ZNF37A: variants seen among roughly 807,000 people sequenced by gnomAD.
ZNF37A encodes the protein zinc finger protein 37a (KOX 21).
Under a neutral mutation model 12.3 loss-of-function variants are expected in ZNF37A, and 10 were observed. The ratio of observed to expected loss-of-function variants is 0.82; its 90% CI spans 0.50 to 1.38. The LOEUF (loss-of-function observed/expected upper bound fraction) is 1.38. Ranked by LOEUF, ZNF37A falls within the 40% of genes most tolerant of loss-of-function variation. The probability of loss-of-function intolerance (pLI) is 0.00; values close to 1 mark genes in which losing one functional copy is unlikely to be tolerated. For synonymous variants in ZNF37A, 207 were observed against 223.0 expected, an observed-to-expected ratio of 0.93 and a Z score of 0.64; for missense variants, 580 against 651.2, an observed-to-expected ratio of 0.89 and a Z score of 1.19.
At chr10:38,146,873 G>A (rs545622174) in exon 8 of ZNF37A, 3 of 397,104 alleles carry the variant, frequency 7.6e-6, no homozygotes, top group Non-Finnish European at 1.3e-5. Context: ...GTGGGAATCG[G>A]GGATAACAGC....
At chr10:38,101,507 T>C (rs1414655869) in intron 5 of ZNF37A, among the ~76,000 whole-genome samples, 1 of 152,148 alleles carries the variant, frequency 6.6e-6, no homozygotes, top group Non-Finnish European at 1.5e-5. Context: ...TTTTGGCTAG[T>C]TGAGATACCT....
chr10:38,118,706 G>A lies in ZNF37A; in HGVS notation c.1555G>A (p.Gly519Arg). 2.5e-6 allele frequency: 4 copies of A among 1,613,738 alleles called. No homozygotes were observed. The highest frequency in any genetic ancestry group is 3.4e-6 in the Non-Finnish European group (4 of 1,179,772). The change falls in exon 8 of 8, where the codon GGG becomes AGG. Residue 519 changes from glycine to arginine, a missense_variant. Gly to Arg is a moderately radical substitution (Grantham distance 125). Transcript: ENST00000685332. ...CATTGCACATCATAGAACACACACA[G>A]GGGAGAAACCCTATGAATGTAATGT... is the stretch of plus-strand genomic sequence containing the variant. ...KLIAHHRTHT[G>R]EKPYECNVCG...
At chr10:38,149,911 C>G (rs968654265) in exon 8 of ZNF37A, 2 of 152,184 alleles carry the variant, frequency 1.3e-5, no homozygotes, top group African/African-American at 4.8e-5. Context: ...ATTTGCTCTT[C>G]TGCACAAAAT....
intron 7 of ZNF37A, among the ~76,000 whole-genome samples, chr10:38,134,696 C>T (rs371636172): frequency 3.9e-5 from 6 of 152,304 alleles, no homozygotes; most frequent in East Asian, 3.9e-4. Context: ...AGGTGTCAGT[C>T]GGCCCCTACT....
At chr10:38,125,495 T>C (rs2069911805), downstream of ZNF37A, 1 of 152,146 alleles carries the variant, frequency 6.6e-6, no homozygotes, top group Non-Finnish European at 1.5e-5. Flanking sequence ...ATGCCCCTAC[T>C]GCATGGAGGG....
intron 6 of ZNF37A, 137 bp from the exon 7 acceptor site, chr10:38,115,058 T>C: frequency 8.8e-7 from 1 of 1,134,824 alleles, no homozygotes; most frequent in South Asian, 1.6e-5. Flanking sequence ...CATGACAGGA[T>C]TAAATGAAGT....
chr10:38,133,016 C>A (rs1315879501), intron 7 of ZNF37A, among the ~76,000 whole-genome samples: 1 of 151,932 alleles, frequency 6.6e-6, no homozygotes, highest in Non-Finnish European at 1.5e-5. Context: ...GTGATATAGT[C>A]TCCTTTATCT....
chr10:38,104,757 C>T (rs2067897652), intron 5 of ZNF37A, among the ~76,000 whole-genome samples: 1 of 151,122 alleles, frequency 6.6e-6, no homozygotes, highest in Admixed American at 6.7e-5. Flanking sequence ...TTAGGAAATA[C>T]ATGTGTGTAT....
At position 38,118,693 on chromosome 10, in the gene ZNF37A, T is replaced by C. The variant is rs1456411568; in HGVS notation, c.1542T>C (p.His514=). 2 of 1,544,740 alleles carry C rather than the reference T, an allele frequency of 1.3e-6. No individual in the cohort carries two copies. Among genetic ancestry groups the C allele is most frequent in the African/African-American group, 1.4e-5 (1 of 68,986 alleles). ...FCVKSKLIAH[H]RTHTGEKPYE... ...TGAAGTCAAAACTCATTGCACATCATAGAACACACACAGGGGAGAAACCCT... is the reference window on the plus strand; with the variant it reads ...TGAAGTCAAAACTCATTGCACATCACAGAACACACACAGGGGAGAAACCCT... The change falls in exon 8 of 8, where the codon CAT becomes CAC. Residue 514 remains histidine (H), a synonymous_variant. Coordinates refer to ENST00000685332, the MANE Select transcript of ZNF37A (RefSeq NM_001324250.3).
intron 5 of ZNF37A, 112 bp downstream of exon 5, chr10:38,096,744 G>A (rs1044209751): frequency 2.9e-6 from 3 of 1,045,296 alleles, no homozygotes; most frequent in African/African-American, 3.2e-5. Flanking sequence ...ATAGAGGAGA[G>A]GTCACATTAC....
chr10:38,105,785 T>C (rs2068018595), intron 5 of ZNF37A, among the ~76,000 whole-genome samples: 1 of 152,260 alleles, frequency 6.6e-6, no homozygotes, highest in Admixed American at 6.5e-5. Context: ...TTTCTGAATT[T>C]CCTTTTGGAT....
chr10:38,112,778 T>TCTTGTCTTGTCTTGTCTTG (rs1554929923), intron 5 of ZNF37A, among the ~76,000 whole-genome samples: 2 of 63,790 alleles, frequency 3.1e-5, no homozygotes, highest in African/African-American at 1.2e-4. Flanking sequence ...TTCTTTTCTT[T>TCTTGTCTTGTCTTGTCTTG]TCTTTTCTTT....
exon 8 of ZNF37A, chr10:38,149,977 C>G (rs1392601268): frequency 6.6e-6 from 1 of 152,182 alleles, no homozygotes; most frequent in African/African-American, 2.4e-5. Flanking sequence ...GCGTTATGTC[C>G]AGTGCCTAGA....
At position 38,124,007 on chromosome 10, in the gene ZNF37A, A is replaced by G. The variant is rs2069860396; in HGVS notation, c.*5170A>G. The G allele has an allele frequency of 6.6e-6, 1 of 152,230 alleles. No individual in the cohort carries two copies. The highest frequency in any genetic ancestry group is 1.5e-5 in the Non-Finnish European group (1 of 68,046). The allele number at this position is 152,230 out of a possible 1,614,324, so 9.4% of individuals were successfully genotyped here. ...TTATATACCCCAAAGACAGGAAATC[A>G]GTATATTGAAGATATATCTGCACCG... On this transcript the variant is annotated 3_prime_UTR_variant, in exon 8 of 8. Coordinates refer to ENST00000685332, the MANE Select transcript of ZNF37A (RefSeq NM_001324250.3).
At chr10:38,108,446 A>G (rs971786851) in intron 5 of ZNF37A, among the ~76,000 whole-genome samples, 2 of 152,330 alleles carry the variant, frequency 1.3e-5, no homozygotes, top group East Asian at 1.9e-4. Flanking sequence ...CTAGAGAAGC[A>G]AGAGCAAATA....
chr10:38,126,805 C>T (rs892891521), downstream of ZNF37A, among the ~76,000 whole-genome samples: 1 of 152,034 alleles, frequency 6.6e-6, no homozygotes, highest in Admixed American at 6.6e-5. Context: ...CCAACTATAG[C>T]CATAACTGCA....
At position 38,123,072 on chromosome 10, in the gene ZNF37A, C is replaced by G. The variant is rs910723324; in HGVS notation, c.*4235C>G. 1.3e-5 allele frequency: 2 copies of G among 152,136 alleles called. No individual in the cohort carries two copies. Among genetic ancestry groups the G allele is most frequent in the Non-Finnish European group, 2.9e-5 (2 of 68,058 alleles). 9.4% of individuals were successfully genotyped at this position (152,136 alleles called of 1,614,324 possible). A position where few individuals can be genotyped will look rare whatever the true frequency, so the allele number is the denominator to read the frequency against. On this transcript the variant is annotated 3_prime_UTR_variant, in exon 8 of 8. Transcript: ENST00000685332. ...CTTGTAGGGAGGCATCAGGAAGTTTCCAACCATGGTGGAAGGCAAAAGGGG... is the reference window on the plus strand; with the variant it reads ...CTTGTAGGGAGGCATCAGGAAGTTTGCAACCATGGTGGAAGGCAAAAGGGG...
intron 7 of ZNF37A, among the ~76,000 whole-genome samples, chr10:38,137,064 G>A (rs566782348): frequency 1.3e-5 from 2 of 151,940 alleles, no homozygotes; most frequent in Admixed American, 6.6e-5. Context: ...GTCTTCCTTA[G>A]CTCTTTGAAT....
intron 5 of ZNF37A, among the ~76,000 whole-genome samples, chr10:38,102,305 A>G (rs2067659716): frequency 6.6e-6 from 1 of 151,952 alleles, no homozygotes; most frequent in Admixed American, 6.6e-5. Flanking sequence ...CTAACGTGCC[A>G]TTTTAATTCC....
Sources: allele counts gnomAD v4.1 joint callset (sites outside exome capture counted in the v4.1 genomes callset), GRCh38; gene constraint gnomAD v4.1.1; transcripts MANE v1.5; gene names NCBI Gene and HGNC (gene_info 2026-07-23, HGNC 2026-07-21).